RIMS2: variants seen among roughly 807,000 people sequenced by gnomAD.
The protein encoded by RIMS2 is regulating synaptic membrane exocytosis protein 2.
In RIMS2, 59 loss-of-function variants were observed where a neutral mutation model predicts 174.4. The ratio of observed to expected loss-of-function variants is 0.34; its 90% CI spans 0.27 to 0.42. RIMS2 has a LOEUF of 0.42. Ranked by LOEUF, RIMS2 falls within the 10% of genes least tolerant of loss-of-function variation. RIMS2 has a pLI of 1.00. For missense variants in RIMS2, 1,620 were observed against 1,666.3 expected (o/e 0.97, Z 0.48); for synonymous variants, 606 against 572.5 (o/e 1.06, Z -0.84).
chr8:104,173,353 C>T (rs890482423), intron 19 of RIMS2, among the ~76,000 whole-genome samples: 4 of 152,060 alleles, frequency 2.6e-5, no homozygotes, highest in Non-Finnish European at 4.4e-5. Context: ...AAAAATGACA[C>T]GAGTAGGCAG....
intron 1 of RIMS2, among the ~76,000 whole-genome samples, chr8:103,509,504 A>G (rs1825423814): frequency 6.6e-6 from 1 of 152,122 alleles, no homozygotes; most frequent in African/African-American, 2.4e-5. Flanking sequence ...ATATGAGTGT[A>G]TTTTAGGAAA....
chr8:103,887,723 A>AG (rs2099213244), intron 4 of RIMS2, among the ~76,000 whole-genome samples: 1 of 151,596 alleles, frequency 6.6e-6, no homozygotes, highest in Non-Finnish European at 1.5e-5. Flanking sequence ...GAATCATTTT[A>AG]TACTGTACCA....
chr8:103,517,921 T>TA (rs5893659), intron 1 of RIMS2, among the ~76,000 whole-genome samples: 103,103 of 148,694 alleles, frequency 0.69, 35,827 homozygotes, highest in East Asian at 0.83. Context: ...GCTGATGAGC[T>TA]AAAAAAAAAA....
chr8:104,234,878 T>C (rs761878076), intron 19 of RIMS2, among the ~76,000 whole-genome samples: 1 of 152,104 alleles, frequency 6.6e-6, no homozygotes, highest in Non-Finnish European at 1.5e-5. Context: ...TGTTGGCAAA[T>C]CCGCAATTTT....
At chr8:103,758,637 G>A (rs1012360368) in intron 2 of RIMS2, among the ~76,000 whole-genome samples, 11 of 152,166 alleles carry the variant, frequency 7.2e-5, no homozygotes, top group African/African-American at 2.7e-4. Flanking sequence ...TAGTAGACCT[G>A]AGGCTTTAGC....
At chr8:103,509,658 G>A (rs1221895584) in intron 1 of RIMS2, among the ~76,000 whole-genome samples, 1 of 152,042 alleles carries the variant, frequency 6.6e-6, no homozygotes, top group Non-Finnish European at 1.5e-5. Flanking sequence ...TGGGTTTTGT[G>A]ATGGGAAGCT....
intron 19 of RIMS2, among the ~76,000 whole-genome samples, chr8:104,128,450 A>G (rs2098448463): frequency 6.6e-6 from 1 of 152,202 alleles, no homozygotes; most frequent in Non-Finnish European, 1.5e-5. Flanking sequence ...TAATCCCAGC[A>G]CTTTGGGAGG....
rs151127189 is a variant in RIMS2, at chr8:104,135,109, G to A, written c.3335-109807G>A. Reference sequence around the variant, plus strand: ...TGGTATAAGGGAATTTCGTCTGATAGCATCTATTTTCTCTATGAAATGTAA... The same window carrying A: ...TGGTATAAGGGAATTTCGTCTGATAACATCTATTTTCTCTATGAAATGTAA... On this transcript the variant is annotated intron_variant, in intron 19 of 23. Coordinates refer to ENST00000504942, the Ensembl canonical transcript of RIMS2. 1.6e-4 allele frequency among the ~76,000 whole-genome samples: 24 copies of A among 152,230 alleles called. No homozygotes were observed. The East Asian group carries it at 4.3e-3, about 27-fold the overall frequency.
intron 19 of RIMS2, among the ~76,000 whole-genome samples, chr8:104,084,947 G>C (rs2097510554): frequency 6.6e-6 from 1 of 151,976 alleles, no homozygotes; most frequent in South Asian, 2.1e-4. Flanking sequence ...TAATCCCTTG[G>C]TCATTATGGT....
chr8:103,604,334 C>G (rs1251011192), intron 1 of RIMS2, among the ~76,000 whole-genome samples: 1 of 151,816 alleles, frequency 6.6e-6, no homozygotes, highest in African/African-American at 2.4e-5. Flanking sequence ...TTTCTGAGGG[C>G]TCTGTTCTGT....
rs6986460 is a variant in RIMS2 at position 104,250,929 on chromosome 8, A to G, written c.3692-95A>G. On this transcript the variant is annotated intron_variant, in intron 22 of 23. Coordinates refer to ENST00000504942, the Ensembl canonical transcript of RIMS2. Reference sequence around the variant, plus strand: ...CAGTGGCATGATTGCTAGCTCTTTCAGCCAAAGATTACTAAACTGGTAAAT... The same window carrying G: ...CAGTGGCATGATTGCTAGCTCTTTCGGCCAAAGATTACTAAACTGGTAAAT... 3,725 of 1,082,562 alleles carry G rather than the reference A, an allele frequency of 3.4e-3. 90 individuals carry two copies. The African/African-American group carries it at 0.052, about 15-fold the overall frequency. 67.1% of individuals were successfully genotyped at this position (1,082,562 alleles called of 1,614,324 possible). A position where few individuals can be genotyped will look rare whatever the true frequency, so the allele number is the denominator to read the frequency against.
At chr8:103,896,499 C>T (rs1204178966) in intron 4 of RIMS2, among the ~76,000 whole-genome samples, 1 of 151,706 alleles carries the variant, frequency 6.6e-6, no homozygotes, top group Non-Finnish European at 1.5e-5. Context: ...CACAGCCATA[C>T]AATTGTTGTG....
chr8:103,974,868 C>A lies in RIMS2; in HGVS notation c.2771-482C>A, dbSNP rs574016015. On this transcript the variant is annotated intron_variant, in intron 15 of 23. Coordinates refer to ENST00000504942, the Ensembl canonical transcript of RIMS2. ...CTCATTTTTTAAAAAAAGCAAAAGC[C>A]GTTTACACATCTACTACAAAAGGTA... Among the ~76,000 whole-genome samples the A allele has an allele frequency of 4.6e-5, 7 of 151,924 alleles. No homozygotes were observed. In the East Asian group the frequency reaches 7.7e-4, roughly 17 times the overall value.
At chr8:103,779,359 T>C (rs151165572) in intron 3 of RIMS2, among the ~76,000 whole-genome samples, 6 of 152,292 alleles carry the variant, frequency 3.9e-5, no homozygotes, top group Non-Finnish European at 8.8e-5. Flanking sequence ...TGTTTTCTTC[T>C]AGTAATTTCA....
At chr8:103,529,341 C>G (rs1419416773) in intron 1 of RIMS2, among the ~76,000 whole-genome samples, 1 of 152,206 alleles carries the variant, frequency 6.6e-6, no homozygotes, top group East Asian at 1.9e-4. Flanking sequence ...TGCCCCTCCC[C>G]CAGGCTTGCT....
At chr8:103,792,926 T>C (rs1190163899) in intron 3 of RIMS2, among the ~76,000 whole-genome samples, 1 of 152,112 alleles carries the variant, frequency 6.6e-6, no homozygotes, top group Non-Finnish European at 1.5e-5. Context: ...GCTCTGAAAT[T>C]GAGGCAATAA....
chr8:103,989,170 A>G (rs2094538814), intron 16 of RIMS2, 135 bp from the exon 19 acceptor site: 4 of 625,318 alleles, frequency 6.4e-6, no homozygotes, highest in South Asian at 3.8e-5. Context: ...TTAGTTAGAG[A>G]TGCAATTAAT....
At chr8:104,205,912 C>T (rs1003031303) in intron 19 of RIMS2, among the ~76,000 whole-genome samples, 4 of 151,988 alleles carry the variant, frequency 2.6e-5, no homozygotes, top group Admixed American at 2.0e-4. Context: ...TGCACCATCA[C>T]GCCCGGCTGA....
chr8:103,539,365 C>T (rs1841438784), intron 1 of RIMS2, among the ~76,000 whole-genome samples: 1 of 152,116 alleles, frequency 6.6e-6, no homozygotes, highest in African/African-American at 2.4e-5. Context: ...ATTTCACACA[C>T]ACAAAAACAA....
Sources: allele counts gnomAD v4.1 joint callset (sites outside exome capture counted in the v4.1 genomes callset), GRCh38; gene constraint gnomAD v4.1.1; transcripts MANE v1.5; gene names NCBI Gene and HGNC (gene_info 2026-07-23, HGNC 2026-07-21).